The following CEP89 variants were observed in gnomAD, a reference collection of about 807,000 sequenced individuals.
The protein encoded by CEP89 is centrosomal protein of 89 kDa.
Under a neutral mutation model 97.6 loss-of-function variants are expected in CEP89, and 95 were observed. The ratio of observed to expected loss-of-function variants is 0.97; its 90% CI spans 0.82 to 1.15. The LOEUF (loss-of-function observed/expected upper bound fraction) is 1.15. Ranked by LOEUF, CEP89 falls within the 50% of genes most tolerant of loss-of-function variation. CEP89 has a pLI of 0.00. For synonymous variants in CEP89, 354 were observed against 349.1 expected (o/e 1.01, Z -0.16); for missense variants, 869 against 947.7 (o/e 0.92, Z 1.09).
intron 7 of CEP89, 145 bp from the exon 8 acceptor site, chr19:32,933,814 C>T (rs1398313543): frequency 7.8e-6 from 5 of 642,294 alleles, no homozygotes; most frequent in Non-Finnish European, 1.4e-5. Context: ...CTACAGGAAA[C>T]AGTAAGTGGC....
chr19:32,916,014 C>T (rs1970119714), intron 13 of CEP89, among the ~76,000 whole-genome samples: 1 of 151,908 alleles, frequency 6.6e-6, no homozygotes, highest in Non-Finnish European at 1.5e-5. Flanking sequence ...CACAGTGACT[C>T]ATACCTGTAA....
chr19:32,879,083 TG>T lies in CEP89; in HGVS notation c.*78del. ...GCTTACGCACCTCCGGCTGCCACCA[TG>T]GGCTGCCCTGCAGGGAAGGCCTGTG... On this transcript the variant is annotated 3_prime_UTR_variant, in exon 19 of 19. Coordinates refer to ENST00000305768, the MANE Select transcript of CEP89 (RefSeq NM_032816.5). 1 of 1,200,408 alleles carries T rather than the reference TG, an allele frequency of 8.3e-7. No homozygotes were observed. The highest frequency in any genetic ancestry group is 1.2e-6 in the Non-Finnish European group (1 of 846,964). 74.4% of individuals were successfully genotyped at this position (1,200,408 alleles called of 1,614,324 possible).
intron 8 of CEP89, among the ~76,000 whole-genome samples, chr19:32,931,947 C>T (rs1218680720): frequency 2.0e-5 from 3 of 152,128 alleles, no homozygotes; most frequent in Middle Eastern, 3.4e-3. Flanking sequence ...TTTGGGAGGC[C>T]GAGGCGGGTG....
At chr19:32,964,508 C>G (rs1392617535) in intron 2 of CEP89, among the ~76,000 whole-genome samples, 2 of 151,948 alleles carry the variant, frequency 1.3e-5, no homozygotes, top group African/African-American at 2.4e-5. Context: ...TTTCTAGTAA[C>G]CAAAAATTAG....
chr19:32,968,308 G>T (rs1444978756), intron 1 of CEP89, among the ~76,000 whole-genome samples: 1 of 152,212 alleles, frequency 6.6e-6, no homozygotes, highest in African/African-American at 2.4e-5. Context: ...GAGTGCGGTG[G>T]CACGATCTTG....
At chr19:32,960,217 C>T (rs1445620833) in intron 2 of CEP89, among the ~76,000 whole-genome samples, 159 bp from the exon 3 acceptor site, 2 of 152,170 alleles carry the variant, frequency 1.3e-5, no homozygotes, top group Non-Finnish European at 2.9e-5. Context: ...CAGACAATCT[C>T]ATTTGATTCT....
At chr19:32,883,081 C>T (rs1969318941) in intron 17 of CEP89, among the ~76,000 whole-genome samples, 1 of 151,896 alleles carries the variant, frequency 6.6e-6, no homozygotes, top group Non-Finnish European at 1.5e-5. Flanking sequence ...CCAGGATGGT[C>T]TCAATCTCCT....
At chr19:32,920,296 C>T (rs1013893590) in intron 12 of CEP89, among the ~76,000 whole-genome samples, 1 of 151,742 alleles carries the variant, frequency 6.6e-6, no homozygotes, top group Non-Finnish European at 1.5e-5. Context: ...CTCACTGCAG[C>T]CCCGAACTCT....
At chr19:32,967,752 G>A (rs1275993734) in intron 1 of CEP89, among the ~76,000 whole-genome samples, 1 of 152,198 alleles carries the variant, frequency 6.6e-6, no homozygotes, top group East Asian at 1.9e-4. Context: ...TAGGAAGAGG[G>A]AACGGCATGA....
At chr19:32,897,404 C>G (rs1245344071) in intron 16 of CEP89, among the ~76,000 whole-genome samples, 1 of 152,090 alleles carries the variant, frequency 6.6e-6, no homozygotes, top group Non-Finnish European at 1.5e-5. Context: ...AGATGAGTGA[C>G]TGGAAGGAGG....
chr19:32,929,779 G>A (rs529786654), intron 9 of CEP89, among the ~76,000 whole-genome samples: 14 of 152,134 alleles, frequency 9.2e-5, no homozygotes, highest in Non-Finnish European at 1.9e-4. Context: ...AGCAGGTTTT[G>A]AATTATAGGA....
intron 4 of CEP89, among the ~76,000 whole-genome samples, chr19:32,951,029 T>G (rs8100062): frequency 0.35 from 53,954 of 152,006 alleles, 9,774 homozygotes; most frequent in Admixed American, 0.48. Flanking sequence ...AGAAGAAGGG[T>G]GATTTCTAGG....
chr19:32,933,786 C>T (rs1970526058), intron 7 of CEP89, 117 bp from the exon 8 acceptor site: 1 of 712,806 alleles, frequency 1.4e-6, no homozygotes, highest in African/African-American at 1.8e-5. Flanking sequence ...TCTTTGGTCC[C>T]TGGGAAGGGA....
intron 13 of CEP89, among the ~76,000 whole-genome samples, chr19:32,916,722 A>C (rs529344062): frequency 1.3e-5 from 2 of 152,274 alleles, no homozygotes; most frequent in South Asian, 4.1e-4. Flanking sequence ...GAAAATATCT[A>C]ATTGGTGGCT....
chr19:32,960,952 GT>G (rs1320305274), intron 2 of CEP89, among the ~76,000 whole-genome samples: 1 of 152,210 alleles, frequency 6.6e-6, no homozygotes, highest in Non-Finnish European at 1.5e-5. Context: ...GAGAGAATGT[GT>G]AGGATAGAGT....
At chr19:32,939,090 A>AT (rs1311598484) in intron 6 of CEP89, among the ~76,000 whole-genome samples, 2 of 151,260 alleles carry the variant, frequency 1.3e-5, no homozygotes, top group Non-Finnish European at 2.9e-5. Flanking sequence ...CTAAAAAAAA[A>AT]TTTTTTTTTA....
At chr19:32,917,267 C>T (rs1041320387) in intron 13 of CEP89, among the ~76,000 whole-genome samples, 32 of 152,228 alleles carry the variant, frequency 2.1e-4, no homozygotes, top group South Asian at 8.3e-4. Flanking sequence ...TTAACAATGC[C>T]GGAGTAAAGG....
At chr19:32,959,090 C>T (rs1182088005) in intron 3 of CEP89, among the ~76,000 whole-genome samples, 2 of 151,854 alleles carry the variant, frequency 1.3e-5, no homozygotes, top group African/African-American at 4.8e-5. Context: ...ATCCCTACTC[C>T]CATCCCTGCC....
intron 14 of CEP89, among the ~76,000 whole-genome samples, chr19:32,901,845 G>A (rs12972006): frequency 0.22 from 33,537 of 151,984 alleles, 3,938 homozygotes; most frequent in East Asian, 0.52. Context: ...GGCTGGTTTC[G>A]AGCTCTTGGG....
Sources: gnomAD v4.1 joint callset for allele counts (sites outside exome capture counted in the v4.1 genomes callset) on GRCh38, gnomAD v4.1.1 for gene constraint, MANE v1.5 for transcripts, NCBI Gene and HGNC (gene_info 2026-07-23, HGNC 2026-07-21) for gene names.